The following CNIH3 variants were observed in gnomAD, a reference collection of about 807,000 sequenced individuals.
CNIH3 encodes protein cornichon homolog 3.
A neutral mutation model predicts 24.1 loss-of-function variants in CNIH3; 14 were observed. That is an observed-to-expected ratio of 0.58 (90% CI 0.38 to 0.91). The LOEUF is 0.91. CNIH3 is among the 40% of genes least tolerant of loss of function. The pLI, the probability that CNIH3 is intolerant of heterozygous loss-of-function variation, is 0.00. For synonymous variants in CNIH3, 68 were observed against 73.8 expected (o/e 0.92, Z 0.40); for missense variants, 178 against 196.8 (o/e 0.90, Z 0.57).
intron 1 of CNIH3, among the ~76,000 whole-genome samples, chr1:224,622,006 G>A (rs909100185): frequency 7.9e-5 from 12 of 152,242 alleles, no homozygotes; most frequent in Non-Finnish European, 1.5e-4. Context: ...CTTGCTTGCC[G>A]CCATGTAAGA....
intron 1 of CNIH3, among the ~76,000 whole-genome samples, chr1:224,505,517 C>A (rs1013399013): frequency 6.6e-6 from 1 of 152,104 alleles, no homozygotes; most frequent in Non-Finnish European, 1.5e-5. Context: ...ATTTTTGCAT[C>A]ATGCTGAAAA....
chr1:224,693,279 A>AG (rs5781379), intron 3 of CNIH3, among the ~76,000 whole-genome samples: 9,304 of 152,278 alleles, frequency 0.061, 356 homozygotes, highest in East Asian at 0.14. Context: ...GGCGAACTGA[A>AG]GACTTTACAA....
intron 1 of CNIH3, among the ~76,000 whole-genome samples, chr1:224,493,775 A>C (rs1677326713): frequency 6.6e-6 from 1 of 152,020 alleles, no homozygotes; most frequent in South Asian, 2.1e-4. Flanking sequence ...TGTAGGTTGG[A>C]GGTGAGAAGA....
intron 1 of CNIH3, among the ~76,000 whole-genome samples, chr1:224,481,469 G>A (rs541886324): frequency 3.7e-4 from 57 of 152,224 alleles, no homozygotes; most frequent in Non-Finnish European, 6.0e-4. Context: ...TGCATTAGGG[G>A]GTACCTCAAG....
At chr1:224,732,013 C>G (rs1009783011) in intron 4 of CNIH3, among the ~76,000 whole-genome samples, 2 of 152,190 alleles carry the variant, frequency 1.3e-5, no homozygotes, top group Non-Finnish European at 2.9e-5. Context: ...GAAAAATGAT[C>G]AGAAGCTTTA....
chr1:224,641,639 GC>G (rs1273452097), intron 1 of CNIH3, among the ~76,000 whole-genome samples: 1 of 152,204 alleles, frequency 6.6e-6, no homozygotes, highest in Non-Finnish European at 1.5e-5. Flanking sequence ...TGCAGGTGTG[GC>G]CTCTGCCTAG....
At chr1:224,695,218 G>T (rs571476825) in intron 3 of CNIH3, among the ~76,000 whole-genome samples, 1 of 152,264 alleles carries the variant, frequency 6.6e-6, no homozygotes, top group African/African-American at 2.4e-5. Flanking sequence ...AGTGGATTTG[G>T]CCAGCAGTCG....
intron 2 of CNIH3, among the ~76,000 whole-genome samples, chr1:224,683,449 A>G (rs890169281): frequency 1.3e-5 from 2 of 152,178 alleles, no homozygotes; most frequent in African/African-American, 2.4e-5. Flanking sequence ...GAGGTCTTAG[A>G]CCTCTATAGA....
At chr1:224,698,620 A>G (rs1330585591) in intron 3 of CNIH3, among the ~76,000 whole-genome samples, 2 of 152,238 alleles carry the variant, frequency 1.3e-5, no homozygotes, top group Non-Finnish European at 2.9e-5. Flanking sequence ...GGTGATACCA[A>G]TTGCCAATGC....
chr1:224,682,200 T>G (rs2125145550), intron 2 of CNIH3, among the ~76,000 whole-genome samples: 1 of 152,254 alleles, frequency 6.6e-6, no homozygotes, highest in East Asian at 1.9e-4. Context: ...TTTTTTTGAG[T>G]TTTTATTATG....
intron 1 of CNIH3, among the ~76,000 whole-genome samples, chr1:224,662,852 T>C (rs1453280252): frequency 1.3e-5 from 2 of 152,222 alleles, no homozygotes; most frequent in Admixed American, 1.3e-4. Context: ...GGCTAAATTT[T>C]GCCCTGGTAG....
intron 3 of CNIH3, among the ~76,000 whole-genome samples, chr1:224,716,989 C>G (rs1688464168): frequency 6.6e-6 from 1 of 152,148 alleles, no homozygotes; most frequent in Admixed American, 6.5e-5. Flanking sequence ...CTTTGCAATA[C>G]CTAGGGACGG....
rs753238239 is a variant in CNIH3 at position 224,730,518 on chromosome 1, G to A, written c.255G>A (p.Ala85=). 18 of 1,561,944 alleles carry A rather than the reference G, an allele frequency of 1.2e-5. No individual in the cohort carries two copies. Among genetic ancestry groups the A allele is most frequent in the South Asian group, 2.4e-5 (2 of 84,748 alleles). ...HSLFCIMFLC[A]QEWLTLGLNV... is the part of the protein sequence containing the mutation. ...TCTTCTGCATTATGTTCCTGTGTGC[G>A]CAAGAGTGGCTCACGCTGGGGCTGA... The change falls in exon 4 of 6, where the codon GCG becomes GCA. Residue 85 remains alanine (A), a synonymous_variant. Transcript: ENST00000272133.
At chr1:224,555,768 T>A (rs1680109395) in intron 3 of CNIH3, among the ~76,000 whole-genome samples, 1 of 152,262 alleles carries the variant, frequency 6.6e-6, no homozygotes, top group Admixed American at 6.5e-5. Context: ...AGTTTTGAGC[T>A]AATCCTTTTT....
intron 3 of CNIH3, among the ~76,000 whole-genome samples, chr1:224,565,213 T>C (rs1412429008): frequency 2.0e-5 from 3 of 152,054 alleles, no homozygotes; most frequent in African/African-American, 7.3e-5. Context: ...GTCTAATAGG[T>C]TTTTCTTGCA....
chr1:224,723,912 G>T (rs1326579334), intron 3 of CNIH3, among the ~76,000 whole-genome samples: 1 of 152,134 alleles, frequency 6.6e-6, no homozygotes, highest in African/African-American at 2.4e-5. Flanking sequence ...TAATTTTATG[G>T]TGACTTTTTA....
chr1:224,641,609 G>A (rs1684364573), intron 1 of CNIH3, among the ~76,000 whole-genome samples: 1 of 152,238 alleles, frequency 6.6e-6, no homozygotes, highest in African/African-American at 2.4e-5. Flanking sequence ...AGTGGACGAC[G>A]TTGCTAAGAG....
intron 1 of CNIH3, among the ~76,000 whole-genome samples, chr1:224,671,446 C>T (rs899510869): frequency 1.3e-5 from 2 of 152,146 alleles, no homozygotes; most frequent in Non-Finnish European, 2.9e-5. Context: ...TGGATGGATG[C>T]ATTAATAAAG....
intron 2 of CNIH3, among the ~76,000 whole-genome samples, chr1:224,544,040 G>A (rs1679609929): frequency 6.6e-6 from 1 of 152,056 alleles, no homozygotes; most frequent in South Asian, 2.1e-4. Flanking sequence ...TGTCTTTTTA[G>A]CTAAATTGGC....
Sources: gnomAD v4.1 joint callset for allele counts (sites outside exome capture counted in the v4.1 genomes callset) on GRCh38, gnomAD v4.1.1 for gene constraint, MANE v1.5 for transcripts, NCBI Gene and HGNC (gene_info 2026-07-23, HGNC 2026-07-21) for gene names.